The following CCDC171 variants were observed in gnomAD, a reference collection of about 807,000 sequenced individuals.
The protein encoded by CCDC171 is coiled-coil domain-containing protein 171.
In CCDC171, 177 loss-of-function variants were observed where a neutral mutation model predicts 168.2. That is an observed-to-expected ratio of 1.05 (90% CI 0.93 to 1.19). CCDC171 has a LOEUF of 1.19. Among genes scored for constraint, CCDC171 ranks in the 50% most tolerant of loss-of-function variants. The pLI, the probability that CCDC171 is intolerant of heterozygous loss-of-function variation, is 0.00. For synonymous variants in CCDC171, 687 were observed against 540.8 expected (o/e 1.27, Z -3.75); for missense variants, 1,991 against 1,539.0 (o/e 1.29, Z -4.91).
At chr9:15,961,355 G>T (rs186364233) in intron 25 of CCDC171, among the ~76,000 whole-genome samples, 223 of 152,300 alleles carry the variant, frequency 1.5e-3, no homozygotes, top group Non-Finnish European at 4.6e-4. Flanking sequence ...AGTTCCCAGA[G>T]AGAGTGTGAC....
chr9:15,563,604 C>T (rs1018441441), intron 1 of CCDC171, among the ~76,000 whole-genome samples: 1 of 152,064 alleles, frequency 6.6e-6, no homozygotes, highest in Admixed American at 6.6e-5. Flanking sequence ...ATTTGTCTAC[C>T]ACTATTTCCA....
Position 15,970,751 on chromosome 9 carries a change from T to A in CCDC171, c.3754-858T>A, listed in dbSNP as rs555936021. 7.9e-4 allele frequency among the ~76,000 whole-genome samples: 120 copies of A among 152,308 alleles called. 3 individuals are homozygous for A. Among genetic ancestry groups the A allele is most frequent in the African/African-American group, 2.8e-3 (118 of 41,570 alleles). Reference sequence around the variant, plus strand: ...CAAATATATGACAAATTATTTTCATTCCCTTATTTTGACATGTGATTTCTA... The same window carrying A: ...CAAATATATGACAAATTATTTTCATACCCTTATTTTGACATGTGATTTCTA... On this transcript the variant is annotated intron_variant, in intron 25 of 25. Transcript: ENST00000380701.
intron 10 of CCDC171, among the ~76,000 whole-genome samples, chr9:15,689,034 C>A (rs904333185): frequency 6.6e-6 from 1 of 152,096 alleles, no homozygotes; most frequent in Non-Finnish European, 1.5e-5. Context: ...AATACAATAT[C>A]CATTTAGGAA....
rs557829903 is a variant in CCDC171 at position 15,640,017 on chromosome 9, T to A, written c.822+16604T>A. Among the ~76,000 whole-genome samples the A allele has an allele frequency of 1.6e-4, 25 of 152,302 alleles. No individual in the cohort carries two copies. The South Asian group carries it at 5.2e-3, about 32-fold the overall frequency. On this transcript the variant is annotated intron_variant, in intron 7 of 25. Coordinates refer to ENST00000380701, the MANE Select transcript of CCDC171 (RefSeq NM_173550.4). The stretch of plus-strand genomic sequence containing the variant: ...TTTGGGCCAAGGACCTAGTATGGCA[T>A]CTGGCATATAGTAGGTACTCTATAA...
At chr9:15,839,644 T>C (rs910357545) in intron 21 of CCDC171, among the ~76,000 whole-genome samples, 5 of 151,588 alleles carry the variant, frequency 3.3e-5, no homozygotes, top group South Asian at 2.1e-4. Flanking sequence ...CAAGTAATTT[T>C]CCCCCCTAGT....
intron 25 of CCDC171, among the ~76,000 whole-genome samples, chr9:15,931,776 C>A (rs3008681): frequency 6.6e-6 from 1 of 151,340 alleles, no homozygotes; most frequent in Admixed American, 6.6e-5. Context: ...AGTCTATTAC[C>A]TATTTTGAGT....
At chr9:15,651,180 C>G (rs1461344482) in intron 7 of CCDC171, among the ~76,000 whole-genome samples, 1 of 151,940 alleles carries the variant, frequency 6.6e-6, no homozygotes, top group African/African-American at 2.4e-5. Context: ...GCAATCTCCA[C>G]TCACTGCAAC....
Position 15,591,473 on chromosome 9 carries a change from G to A in CCDC171, c.460G>A (p.Glu154Lys), listed in dbSNP as rs1411729626. ...ECRRFEHDLE[E>K]RDNMIQNCNR... ...CAGAAGATTTGAACATGATTTGGAG[G>A]AAAGAGACAATATGATCCAAAATTG... Residue 154 changes from glutamate (E) to lysine (K), a missense_variant, in exon 5 of 26, where the codon GAA becomes AAA. Glu to Lys is a moderately conservative substitution (Grantham distance 56). Transcript: ENST00000380701. 1 of 1,608,152 alleles carries A rather than the reference G, an allele frequency of 6.2e-7. No individual in the cohort carries two copies. The highest frequency in any genetic ancestry group is 8.5e-7 in the Non-Finnish European group (1 of 1,176,706).
At chr9:15,740,772 T>A (rs1326694031) in intron 16 of CCDC171, among the ~76,000 whole-genome samples, 1 of 152,154 alleles carries the variant, frequency 6.6e-6, no homozygotes, top group Non-Finnish European at 1.5e-5. Flanking sequence ...TTTCAATATG[T>A]GGTGGGGCTG....
chr9:15,822,312 G>C (rs10962172), intron 21 of CCDC171, among the ~76,000 whole-genome samples: 142,134 of 151,506 alleles, frequency 0.94, 66,729 homozygotes, highest in East Asian at 0.98. Flanking sequence ...GCAATGGCAA[G>C]AAAAGCCAGA....
chr9:15,967,632 C>G (rs1054964669), intron 25 of CCDC171, among the ~76,000 whole-genome samples: 5 of 152,082 alleles, frequency 3.3e-5, no homozygotes, highest in African/African-American at 9.7e-5. Flanking sequence ...AGAGTCCAGC[C>G]CCTCATTTGG....
rs149297379 is a variant in CCDC171 at position 16,004,251 on chromosome 9, T to C, written n.369-16338T>C. On this transcript the variant is annotated intron_variant and non_coding_transcript_variant, in intron 3 of 9. Transcript: ENST00000486641. The stretch of plus-strand genomic sequence containing the variant: ...AAGGCCCAAAGCAGAGGCTTAGACA[T>C]AGGACACTCTCCTGGATGAAATGGA... Among the ~76,000 whole-genome samples the C allele has an allele frequency of 1.3e-3, 201 of 152,224 alleles. 4 individuals carry two copies. The East Asian group carries it at 0.036, about 27-fold the overall frequency.
At chr9:15,786,819 A>T (rs10962157) in intron 21 of CCDC171, among the ~76,000 whole-genome samples, 55,583 of 151,906 alleles carry the variant, frequency 0.37, 12,583 homozygotes, top group East Asian at 0.65. Context: ...CTCCAGGACA[A>T]TGGGTCTCAT....
intron 3 of CCDC171, among the ~76,000 whole-genome samples, chr9:15,995,960 T>G (rs1427978502): frequency 2.0e-5 from 3 of 152,184 alleles, no homozygotes; most frequent in Non-Finnish European, 2.9e-5. Flanking sequence ...TAACTTCTGT[T>G]TATCACTTTC....
intron 24 of CCDC171, among the ~76,000 whole-genome samples, chr9:15,917,361 C>G (rs946678400): frequency 6.6e-6 from 1 of 151,666 alleles, no homozygotes; most frequent in African/African-American, 2.4e-5. Flanking sequence ...CCTTGCTGCT[C>G]TGAAAAAGTA....
intron 4 of CCDC171, among the ~76,000 whole-genome samples, chr9:15,582,855 A>C (rs1038605917): frequency 2.0e-5 from 3 of 151,916 alleles, no homozygotes; most frequent in African/African-American, 7.3e-5. Context: ...TGGGTACAGT[A>C]AACCACCATG....
intron 11 of CCDC171, among the ~76,000 whole-genome samples, chr9:15,702,607 TCTC>T (rs1398160215): frequency 2.0e-5 from 3 of 152,040 alleles, no homozygotes; most frequent in Non-Finnish European, 2.9e-5. Flanking sequence ...GGCATTGACT[TCTC>T]CCCTCTAGCT....
chr9:16,082,412 T>C, the CCDC171 span, among the ~76,000 whole-genome samples: 1 of 152,210 alleles, frequency 6.6e-6, no homozygotes, highest in East Asian at 1.9e-4. Flanking sequence ...TCTCTTCTTT[T>C]GTGACAGCTT....
chr9:15,807,295 C>T lies in CCDC171; in HGVS notation c.3267+22601C>T, dbSNP rs530785085. On this transcript the variant is annotated intron_variant, in intron 21 of 25. Transcript: ENST00000380701. ...TTTGGAGGATGTAAGACACTCTGGC[C>T]ATTTGATTTCCCAGAGTTCTTGCAT... Among the ~76,000 whole-genome samples, 300 of 152,290 alleles carry T rather than the reference C, an allele frequency of 2.0e-3. 3 individuals carry two copies. The highest frequency in any genetic ancestry group is 7.1e-3 in the African/African-American group (296 of 41,548).
Sources: allele counts gnomAD v4.1 joint callset (sites outside exome capture counted in the v4.1 genomes callset), GRCh38; gene constraint gnomAD v4.1.1; transcripts MANE v1.5; gene names NCBI Gene and HGNC (gene_info 2026-07-23, HGNC 2026-07-21).